The following R3HDM2 variants were observed in gnomAD, a reference collection of about 807,000 sequenced individuals.
R3HDM2 encodes R3H domain-containing protein 2.
R3HDM2 carries 38 observed loss-of-function variants against 124.5 expected under a neutral mutation model. The ratio of observed to expected loss-of-function variants is 0.31; its 90% CI spans 0.24 to 0.40. R3HDM2 has a LOEUF of 0.40. Among genes scored for constraint, R3HDM2 ranks in the 10% least tolerant of loss-of-function variants. The pLI, the probability that R3HDM2 is intolerant of heterozygous loss-of-function variation, is 1.00. For synonymous variants in R3HDM2, 391 were observed against 448.0 expected, an observed-to-expected ratio of 0.87 and a Z score of 1.61; for missense variants, 869 against 1,236.9, an observed-to-expected ratio of 0.70 and a Z score of 4.46.
At position 57,306,740 on chromosome 12, in the gene R3HDM2, C is replaced by T. The variant is rs779557767; in HGVS notation, c.166-3523G>A. On this transcript the variant is annotated intron_variant, in intron 3 of 23. Coordinates refer to ENST00000402412, the MANE Select transcript of R3HDM2 (RefSeq NM_001394031.1). ...TGGCTAAAGGACATTCTTGGCTGGG[C>T]GGGGCGGCTCACGCCTGTAATCCCA... 4.0e-5 allele frequency among the ~76,000 whole-genome samples: 6 copies of T among 151,732 alleles called. No homozygotes were observed. In the South Asian group the frequency reaches 8.4e-4, roughly 21 times the overall value.
chr12:57,313,409 A>T (rs952946056), intron 2 of R3HDM2, among the ~76,000 whole-genome samples: 1 of 151,876 alleles, frequency 6.6e-6, no homozygotes, highest in African/African-American at 2.4e-5. Context: ...AATTTTTTTT[A>T]AAAAATTAGC....
In R3HDM2 at chr12:57,357,322, C is replaced by T. The variant is rs1343664518; in HGVS notation, c.-36+38427G>A. Among the ~76,000 whole-genome samples the T allele has an allele frequency of 2.0e-5, 3 of 151,274 alleles. 1 individual carries two copies. The highest frequency in any genetic ancestry group is 4.4e-5 in the Non-Finnish European group (3 of 67,902). ...ACTAAAAATACAAAACTTAGCTGGGCGTGGTGGCACATGCCTGTAGTCCCA... is the reference window on the plus strand; with the variant it reads ...ACTAAAAATACAAAACTTAGCTGGGTGTGGTGGCACATGCCTGTAGTCCCA... On this transcript the variant is annotated intron_variant, in intron 2 of 23. Coordinates refer to ENST00000402412, the MANE Select transcript of R3HDM2 (RefSeq NM_001394031.1).
chr12:57,277,244 C>T (rs924259184), intron 14 of R3HDM2, among the ~76,000 whole-genome samples: 9 of 151,934 alleles, frequency 5.9e-5, no homozygotes, highest in South Asian at 2.1e-4. Flanking sequence ...GTAAATTGGG[C>T]AAAAGGGAGA....
intron 2 of R3HDM2, among the ~76,000 whole-genome samples, chr12:57,339,083 G>C (rs1347073477): frequency 6.6e-6 from 1 of 152,058 alleles, no homozygotes; most frequent in Non-Finnish European, 1.5e-5. Context: ...AGGCTGGAGT[G>C]CAGAGGTGTG....
chr12:57,267,330 G>C (rs1246407176), intron 18 of R3HDM2, among the ~76,000 whole-genome samples: 1 of 152,248 alleles, frequency 6.6e-6, no homozygotes, highest in Non-Finnish European at 1.5e-5. Context: ...GCCAAGGCAG[G>C]TGGATCATGA....
intron 14 of R3HDM2, among the ~76,000 whole-genome samples, chr12:57,278,568 A>C (rs2045399622): frequency 6.6e-6 from 1 of 152,206 alleles, no homozygotes; most frequent in Non-Finnish European, 1.5e-5. Context: ...AGCAGATGAC[A>C]GAAGGAGAAG....
chr12:57,325,243 A>G (rs1008848015), intron 2 of R3HDM2, among the ~76,000 whole-genome samples: 1 of 152,190 alleles, frequency 6.6e-6, no homozygotes, highest in Admixed American at 6.5e-5. Context: ...CCCGGGTTCA[A>G]GAGATTATCC....
intron 18 of R3HDM2, 95 bp from the exon 19 acceptor site, chr12:57,266,926 A>G: frequency 1.1e-6 from 1 of 873,450 alleles, no homozygotes; most frequent in Non-Finnish European, 1.7e-6. Flanking sequence ...CCCCTATGGG[A>G]AGGAGAGGCA....
intron 1 of R3HDM2, among the ~76,000 whole-genome samples, chr12:57,426,933 A>G (rs1391996029): frequency 6.6e-6 from 1 of 152,204 alleles, no homozygotes; most frequent in Non-Finnish European, 1.5e-5. Flanking sequence ...CTCAGTCAAT[A>G]AATCTGTTGT....
rs2066251192 is a variant in R3HDM2 at position 57,388,764 on chromosome 12, T to A, written c.-36+6985A>T. On this transcript the variant is annotated intron_variant, in intron 2 of 23. Coordinates refer to ENST00000402412, the MANE Select transcript of R3HDM2 (RefSeq NM_001394031.1). ...CCTTTTCCCGAATTAGGACTCCACA[T>A]GGAAGAGGCTTCCATATGGAGGGGG... Among the ~76,000 whole-genome samples, 4 of 151,814 alleles carry A rather than the reference T, an allele frequency of 2.6e-5. No homozygotes were observed. The South Asian group carries it at 8.3e-4, about 31-fold the overall frequency.
chr12:57,332,831 A>C (rs1410024498), intron 2 of R3HDM2, among the ~76,000 whole-genome samples: 11 of 152,284 alleles, frequency 7.2e-5, no homozygotes, highest in Middle Eastern at 6.8e-3. Flanking sequence ...CCTGAGATGG[A>C]GGTGATGATA....
chr12:57,298,779 T>G (rs1205213493), intron 6 of R3HDM2, among the ~76,000 whole-genome samples: 2 of 151,092 alleles, frequency 1.3e-5, no homozygotes, highest in Non-Finnish European at 2.9e-5. Flanking sequence ...CTGGCCAACA[T>G]AGTAAAACTA....
rs185218245 is a variant in R3HDM2, at chr12:57,258,410, T to G, written c.2302-273A>C. Among the ~76,000 whole-genome samples, 182 of 152,002 alleles carry G rather than the reference T, an allele frequency of 1.2e-3. 1 individual carries two copies. Among genetic ancestry groups the G allele is most frequent in the African/African-American group, 4.1e-3 (172 of 41,458 alleles). On this transcript the variant is annotated intron_variant, in intron 20 of 23. Transcript: ENST00000402412. ...GACAGGCTGGAGTGCAGTGGTGCAATCTTGGCTCACTGCAACCTACACCTC... is the reference window on the plus strand; with the variant it reads ...GACAGGCTGGAGTGCAGTGGTGCAAGCTTGGCTCACTGCAACCTACACCTC...
intron 1 of R3HDM2, among the ~76,000 whole-genome samples, chr12:57,398,745 T>G (rs2067802976): frequency 6.6e-6 from 1 of 152,118 alleles, no homozygotes; most frequent in African/African-American, 2.4e-5. Context: ...CACCTCAGCC[T>G]CCCAAAGTGC....
chr12:57,321,525 G>C (rs1017327310), intron 2 of R3HDM2, among the ~76,000 whole-genome samples: 3 of 152,030 alleles, frequency 2.0e-5, no homozygotes, highest in Admixed American at 6.6e-5. Context: ...GTGGTGGCAT[G>C]CCTGTAATCC....
intron 1 of R3HDM2, among the ~76,000 whole-genome samples, chr12:57,403,300 TG>T (rs1439301090): frequency 1.3e-5 from 2 of 151,864 alleles, no homozygotes; most frequent in Non-Finnish European, 1.5e-5. Context: ...GAGACCATCC[TG>T]GCCAACACTG....
intron 2 of R3HDM2, among the ~76,000 whole-genome samples, chr12:57,328,905 G>A (rs1480392098): frequency 1.3e-5 from 2 of 152,016 alleles, no homozygotes; most frequent in Non-Finnish European, 2.9e-5. Flanking sequence ...TGTATGACTT[G>A]CTTTATTGTG....
intron 4 of R3HDM2, among the ~76,000 whole-genome samples, chr12:57,302,894 G>A (rs11172147): frequency 0.19 from 28,348 of 152,040 alleles, 3,111 homozygotes; most frequent in Admixed American, 0.28. Context: ...AGCACAACTA[G>A]TATCCAGTTC....
At chr12:57,346,742 T>C (rs1349507639) in intron 2 of R3HDM2, among the ~76,000 whole-genome samples, 1 of 152,170 alleles carries the variant, frequency 6.6e-6, no homozygotes, top group African/African-American at 2.4e-5. Context: ...TGGTAAATAT[T>C]TGATTACATA....
Sources: allele counts gnomAD v4.1 joint callset (sites outside exome capture counted in the v4.1 genomes callset), GRCh38; gene constraint gnomAD v4.1.1; transcripts MANE v1.5; gene names NCBI Gene and HGNC (gene_info 2026-07-23, HGNC 2026-07-21).